The following SORCS2 variants were observed in gnomAD, a reference collection of about 807,000 sequenced individuals.
The protein encoded by SORCS2 is VPS10 domain-containing receptor SorCS2.
In SORCS2, 100 loss-of-function variants were observed where a neutral mutation model predicts 141.6. The observed-to-expected ratio is 0.71, with a 90% CI of 0.60 to 0.83. SORCS2 has a LOEUF of 0.83. Among genes scored for constraint, SORCS2 ranks in the 40% least tolerant of loss-of-function variants. SORCS2 has a pLI of 0.00. For synonymous variants in SORCS2, 789 were observed against 676.9 expected, an observed-to-expected ratio of 1.17 and a Z score of -2.57; for missense variants, 1,646 against 1,560.2, an observed-to-expected ratio of 1.05 and a Z score of -0.93.
At chr4:7,200,348 C>T (rs1243877508) in intron 1 of SORCS2, among the ~76,000 whole-genome samples, 1 of 152,104 alleles carries the variant, frequency 6.6e-6, no homozygotes, top group Admixed American at 6.5e-5. Flanking sequence ...TGCCTTCCCT[C>T]TCCTCCCTGG....
chr4:7,299,614 C>T (rs1419318875), intron 1 of SORCS2, among the ~76,000 whole-genome samples: 1 of 152,218 alleles, frequency 6.6e-6, no homozygotes, highest in Non-Finnish European at 1.5e-5. Context: ...CTTCTTAAAG[C>T]TGTATGGGAA....
At chr4:7,601,208 C>A (rs1271754608) in intron 3 of SORCS2, among the ~76,000 whole-genome samples, 2 of 152,094 alleles carry the variant, frequency 1.3e-5, no homozygotes, top group Admixed American at 6.5e-5. Flanking sequence ...AATGCAAAGG[C>A]CTCCCTTAGG....
intron 9 of SORCS2, among the ~76,000 whole-genome samples, chr4:7,679,196 C>T (rs183423320): frequency 9.2e-5 from 14 of 152,134 alleles, no homozygotes; most frequent in Admixed American, 8.5e-4. Flanking sequence ...GTCTCTCCCC[C>T]AGCAGGGCAC....
chr4:7,652,860 G>A (rs889512722), intron 4 of SORCS2, among the ~76,000 whole-genome samples: 1 of 152,174 alleles, frequency 6.6e-6, no homozygotes, highest in African/African-American at 2.4e-5. Context: ...TGATTTGCAG[G>A]GTGCAGTGCA....
chr4:7,374,115 CT>C (rs1722457810), intron 1 of SORCS2, among the ~76,000 whole-genome samples: 1 of 23,670 alleles, frequency 4.2e-5, no homozygotes, highest in Non-Finnish European at 8.6e-5. Context: ...GAGATTCTTT[CT>C]TTCTTTCTTT....
chr4:7,290,462 T>C (rs1716528087), intron 1 of SORCS2, among the ~76,000 whole-genome samples: 2 of 152,186 alleles, frequency 1.3e-5, no homozygotes, highest in South Asian at 2.1e-4. Flanking sequence ...TTGATTTTTT[T>C]CCCTTCCTGG....
intron 3 of SORCS2, among the ~76,000 whole-genome samples, chr4:7,540,649 C>T (rs1392945787): frequency 6.6e-6 from 1 of 152,238 alleles, no homozygotes; most frequent in African/African-American, 2.4e-5. Context: ...GTCTGGCCAG[C>T]ATCACCCGCT....
intron 2 of SORCS2, among the ~76,000 whole-genome samples, chr4:7,517,194 T>C (rs764193076): frequency 1.3e-5 from 2 of 152,180 alleles, no homozygotes; most frequent in Non-Finnish European, 2.9e-5. Context: ...TCAGTGTTAG[T>C]GTTAGCTAGT....
intron 2 of SORCS2, among the ~76,000 whole-genome samples, chr4:7,526,121 A>G (rs1038398667): frequency 1.3e-5 from 2 of 152,254 alleles, no homozygotes. Flanking sequence ...CCTGCTATGC[A>G]GGTGCCACGA....
At chr4:7,710,481 C>G (rs1351516968) in intron 14 of SORCS2, among the ~76,000 whole-genome samples, 1 of 152,204 alleles carries the variant, frequency 6.6e-6, no homozygotes, top group Non-Finnish European at 1.5e-5. Flanking sequence ...AGGATGCTCT[C>G]AGGGATCCAG....
chr4:7,467,333 A>C (rs1729680230), intron 2 of SORCS2, among the ~76,000 whole-genome samples: 1 of 152,202 alleles, frequency 6.6e-6, no homozygotes, highest in South Asian at 2.1e-4. Flanking sequence ...GCTCCCACTC[A>C]GATCTGCTGT....
intron 2 of SORCS2, among the ~76,000 whole-genome samples, chr4:7,478,188 G>T (rs1167817274): frequency 6.6e-6 from 1 of 152,200 alleles, no homozygotes; most frequent in Admixed American, 6.5e-5. Flanking sequence ...AAAAGGCCGG[G>T]CGTGTAGGGT....
intron 2 of SORCS2, among the ~76,000 whole-genome samples, chr4:7,397,428 G>A (rs979866580): frequency 2.0e-5 from 3 of 151,846 alleles, no homozygotes; most frequent in African/African-American, 4.8e-5. Flanking sequence ...GTCCTCAGCC[G>A]CTCCCAGCAA....
At chr4:7,374,125 TTCCC>T (rs35153724) in intron 1 of SORCS2, among the ~76,000 whole-genome samples, 1,872 of 19,194 alleles carry the variant, frequency 0.098, 97 homozygotes, top group East Asian at 0.36. Context: ...CTTTCTTTCT[TTCCC>T]TCTTTCTTTC....
chr4:7,271,105 A>G (rs747601666), intron 1 of SORCS2, among the ~76,000 whole-genome samples: 9 of 152,222 alleles, frequency 5.9e-5, no homozygotes, highest in Non-Finnish European at 1.0e-4. Context: ...TCATGGAGGT[A>G]GGTGGTACTT....
intron 1 of SORCS2, among the ~76,000 whole-genome samples, chr4:7,313,816 GA>G (rs1718361671): frequency 6.6e-6 from 1 of 152,174 alleles, no homozygotes. Flanking sequence ...TGTGCTGTGA[GA>G]TCAAATCCCA....
intron 2 of SORCS2, among the ~76,000 whole-genome samples, chr4:7,444,176 G>C (rs1191763154): frequency 1.3e-5 from 2 of 152,226 alleles, no homozygotes; most frequent in Non-Finnish European, 2.9e-5. Context: ...TTTACTAAGA[G>C]CCTACTATGT....
intron 2 of SORCS2, among the ~76,000 whole-genome samples, chr4:7,396,618 G>A (rs1482835627): frequency 2.0e-5 from 3 of 152,140 alleles, no homozygotes; most frequent in Non-Finnish European, 4.4e-5. Context: ...TTTTCTCCCC[G>A]CTTCCTTTTT....
chr4:7,404,710 G>T (rs895033710), intron 2 of SORCS2, among the ~76,000 whole-genome samples: 1 of 151,848 alleles, frequency 6.6e-6, no homozygotes, highest in Non-Finnish European at 1.5e-5. Context: ...TTTGTTTTTT[G>T]TTGTTGTTGA....
Sources: gnomAD v4.1 joint callset for allele counts (sites outside exome capture counted in the v4.1 genomes callset) on GRCh38, gnomAD v4.1.1 for gene constraint, MANE v1.5 for transcripts, NCBI Gene and HGNC (gene_info 2026-07-23, HGNC 2026-07-21) for gene names.